Variants in SIAH3 observed in about 807,000 individuals in gnomAD.
SIAH3 encodes seven in absentia homolog 3.
In SIAH3, 9 loss-of-function variants were observed where a neutral mutation model predicts 12.6. The observed-to-expected ratio is 0.72, with a 90% CI of 0.43 to 1.25. The LOEUF (loss-of-function observed/expected upper bound fraction) is 1.25, where lower values mean the gene tolerates loss of function less well. Ranked by LOEUF, SIAH3 falls within the 50% of genes most tolerant of loss-of-function variation. The pLI is 0.00. For synonymous variants in SIAH3, 154 were observed against 151.1 expected (o/e 1.02, Z -0.14); for missense variants, 390 against 365.4 (o/e 1.07, Z -0.55).
At chr13:45,802,414 G>A (rs151336960) in intron 1 of SIAH3, among the ~76,000 whole-genome samples, 6 of 152,266 alleles carry the variant, frequency 3.9e-5, no homozygotes, top group African/African-American at 1.4e-4. Context: ...TGGGGTTAGG[G>A]GGCGAGGTGC....
In SIAH3 at chr13:45,779,415, G is replaced by A. The variant is rs1249879581; in HGVS notation, c.*3968C>T. ...TGGGTTGAAAAAAGAGGGAGAAAAA[G>A]GGGAGCTAAAAGGCCATATTGAGTA... On this transcript the variant is annotated 3_prime_UTR_variant, in exon 2 of 2. Coordinates refer to ENST00000400405, the MANE Select transcript of SIAH3 (RefSeq NM_198849.3). 1 of 152,122 alleles carries A rather than the reference G, an allele frequency of 6.6e-6. No homozygotes were observed. The highest frequency in any genetic ancestry group is 1.5e-5 in the Non-Finnish European group (1 of 68,022). The allele number at this position is 152,122 out of a possible 1,614,324, so 9.4% of individuals were successfully genotyped here. A position where few individuals can be genotyped will look rare whatever the true frequency, so the allele number is the denominator to read the frequency against.
chr13:45,835,318 T>C (rs1046079712), intron 1 of SIAH3, among the ~76,000 whole-genome samples: 3 of 152,214 alleles, frequency 2.0e-5, no homozygotes, highest in Non-Finnish European at 2.9e-5. Context: ...TTAGAGCAGC[T>C]GTAATCCAGT....
At chr13:45,800,453 A>C (rs531247463) in intron 1 of SIAH3, among the ~76,000 whole-genome samples, 8 of 152,354 alleles carry the variant, frequency 5.3e-5, no homozygotes, top group African/African-American at 1.9e-4. Context: ...GAAAAGAAAA[A>C]TAAAGTGTAG....
Position 45,809,385 on chromosome 13 carries a change from C to G in SIAH3, c.136-25328G>C, listed in dbSNP as rs546580722. Among the ~76,000 whole-genome samples, 4 of 152,316 alleles carry G rather than the reference C, an allele frequency of 2.6e-5. No homozygotes were observed. The South Asian group carries it at 8.3e-4, about 32-fold the overall frequency. On this transcript the variant is annotated intron_variant, in intron 1 of 1. Transcript: ENST00000400405. ...CAGAATCTCTGGACATTATAACAGA[C>G]GGCCCAGATAAATCATATATGCTGA...
At chr13:45,820,673 T>A (rs538790705) in intron 1 of SIAH3, among the ~76,000 whole-genome samples, 7 of 152,144 alleles carry the variant, frequency 4.6e-5, no homozygotes, top group African/African-American at 1.4e-4. Context: ...TCCACCAGCC[T>A]CCGAAATCCC....
In SIAH3 at chr13:45,781,050, G is replaced by T. The variant is rs1379266408; in HGVS notation, c.*2333C>A. The T allele has an allele frequency of 6.6e-6, 1 of 152,588 alleles. No individual in the cohort carries two copies. Among genetic ancestry groups the T allele is most frequent in the Middle Eastern group, 3.2e-3 (1 of 316 alleles). 9.5% of individuals were successfully genotyped at this position (152,588 alleles called of 1,614,324 possible). The stretch of plus-strand genomic sequence containing the variant: ...GATAATAATACATTTCCCATGCTTT[G>T]TCCTAAAGCTTTCTAGGAACAAAAA... On this transcript the variant is annotated 3_prime_UTR_variant, in exon 2 of 2. Coordinates refer to ENST00000400405, the MANE Select transcript of SIAH3 (RefSeq NM_198849.3).
intron 1 of SIAH3, among the ~76,000 whole-genome samples, chr13:45,796,661 G>C (rs1167460754): frequency 6.6e-6 from 1 of 152,274 alleles, no homozygotes; most frequent in Non-Finnish European, 1.5e-5. Flanking sequence ...TCCTCTCTGA[G>C]ATTAGACTTG....
At chr13:45,850,082 G>T (rs1400890031) in intron 1 of SIAH3, among the ~76,000 whole-genome samples, 2 of 152,204 alleles carry the variant, frequency 1.3e-5, no homozygotes, top group Admixed American at 6.5e-5. Context: ...GCAAGAGCGC[G>T]CAAGCAAGAG....
intron 1 of SIAH3, among the ~76,000 whole-genome samples, chr13:45,830,123 C>T (rs1312313131): frequency 2.0e-5 from 3 of 152,048 alleles, no homozygotes; most frequent in Non-Finnish European, 4.4e-5. Context: ...TTAGAGGGCT[C>T]GGACTCCTTG....
chr13:45,793,763 A>G (rs1334523895), intron 1 of SIAH3, among the ~76,000 whole-genome samples: 2 of 152,236 alleles, frequency 1.3e-5, no homozygotes, highest in East Asian at 3.8e-4. Flanking sequence ...ATAGGTTAGA[A>G]GACTGCCCCC....
intron 1 of SIAH3, among the ~76,000 whole-genome samples, chr13:45,840,055 C>T (rs11620437): frequency 0.1 from 15,135 of 152,088 alleles, 837 homozygotes; most frequent in Middle Eastern, 0.22. Context: ...GTAAGGAGTT[C>T]GAGACCAGCC....
intron 1 of SIAH3, among the ~76,000 whole-genome samples, chr13:45,812,649 G>A (rs1441782362): frequency 6.6e-6 from 1 of 152,112 alleles, no homozygotes; most frequent in Non-Finnish European, 1.5e-5. Flanking sequence ...GCATATGGGT[G>A]CATAAATATA....
chr13:45,833,772 G>A (rs1950708407), intron 1 of SIAH3, among the ~76,000 whole-genome samples: 1 of 152,154 alleles, frequency 6.6e-6, no homozygotes, highest in African/African-American at 2.4e-5. Flanking sequence ...AAGTGGCAGG[G>A]ACAGGTCTGA....
intron 1 of SIAH3, among the ~76,000 whole-genome samples, chr13:45,795,110 A>G (rs1439554050): frequency 6.6e-6 from 1 of 152,170 alleles, no homozygotes; most frequent in Non-Finnish European, 1.5e-5. Context: ...CCTTTTAAAT[A>G]TAGCTAATTT....
intron 1 of SIAH3, among the ~76,000 whole-genome samples, chr13:45,803,880 G>A (rs1315862798): frequency 6.6e-6 from 1 of 152,078 alleles, no homozygotes; most frequent in Non-Finnish European, 1.5e-5. Context: ...GATGACATAA[G>A]AAAACTCCTA....
chr13:45,839,199 G>T (rs1272231752), intron 1 of SIAH3, among the ~76,000 whole-genome samples: 2 of 150,626 alleles, frequency 1.3e-5, no homozygotes, highest in Non-Finnish European at 3.0e-5. Flanking sequence ...TTTTTGCTTT[G>T]TATAAAAAGA....
chr13:45,814,238 CAAAAAAAAAAAA>C (rs56377017), intron 1 of SIAH3, among the ~76,000 whole-genome samples: 1 of 72,724 alleles, frequency 1.4e-5, no homozygotes, highest in African/African-American at 6.3e-5. Context: ...GACTCTGTCT[CAAAAAAAAAAAA>C]AAAAAAAAAA....
intron 1 of SIAH3, among the ~76,000 whole-genome samples, chr13:45,814,141 A>G (rs1482593074): frequency 5.4e-5 from 8 of 147,244 alleles, no homozygotes; most frequent in Non-Finnish European, 9.0e-5. Flanking sequence ...CGGGAGGCTG[A>G]GGCAGGAGAA....
rs143285092 is a variant in SIAH3, at chr13:45,848,346, C to T, written c.135+3149G>A. Among the ~76,000 whole-genome samples, 230 of 152,310 alleles carry T rather than the reference C, an allele frequency of 1.5e-3. 4 individuals are homozygous for T. The South Asian group carries it at 0.027, about 18-fold the overall frequency. ...CTTGTTTGCACTCCACTGCCTGGCA[C>T]TCACTGAAAGCTGAGGTCTCTTATG... On this transcript the variant is annotated intron_variant, in intron 1 of 1. Transcript: ENST00000400405.
Sources: allele counts gnomAD v4.1 joint callset (sites outside exome capture counted in the v4.1 genomes callset), GRCh38; gene constraint gnomAD v4.1.1; transcripts MANE v1.5; gene names NCBI Gene and HGNC (gene_info 2026-07-23, HGNC 2026-07-21).